Variants in NR6A1 observed in about 807,000 individuals in gnomAD.
The protein encoded by NR6A1 is retinoic acid receptor-related testis-associated receptor.
In NR6A1, 7 loss-of-function variants were observed where a neutral mutation model predicts 59.1. The observed-to-expected ratio is 0.12, with a 90% CI of 0.07 to 0.22. The LOEUF is 0.22. Ranked by LOEUF, NR6A1 falls within the 10% of genes least tolerant of loss-of-function variation. NR6A1 has a pLI of 1.00. For missense variants in NR6A1, 468 were observed against 611.6 expected (o/e 0.77, Z 2.48); for synonymous variants, 243 against 236.1 (o/e 1.03, Z -0.27).
At chr9:124,532,394 T>G (rs1340563197) in intron 7 of NR6A1, among the ~76,000 whole-genome samples, 1 of 152,228 alleles carries the variant, frequency 6.6e-6, no homozygotes, top group Non-Finnish European at 1.5e-5. Context: ...CTCCTTGGTC[T>G]ATGCTTGTAC....
rs575384661 is a variant in NR6A1 at position 124,695,691 on chromosome 9, G to GT, written c.142+37616dup. On this transcript the variant is annotated intron_variant, in intron 2 of 9. Transcript: ENST00000487099. ...GGCCCGAGGGGGTCTTTATAGAAGAGTTTTTTGTGAGACTGGTAGACACAC... is the reference window on the plus strand; with the variant it reads ...GGCCCGAGGGGGTCTTTATAGAAGAGTTTTTTTGTGAGACTGGTAGACACAC... 2.2e-4 allele frequency among the ~76,000 whole-genome samples: 33 copies of GT among 152,200 alleles called. No homozygotes were observed. The East Asian group carries it at 5.8e-3, about 27-fold the overall frequency.
chr9:124,714,466 T>C (rs1014932414), intron 2 of NR6A1, among the ~76,000 whole-genome samples: 2 of 152,214 alleles, frequency 1.3e-5, no homozygotes, highest in Admixed American at 6.5e-5. Flanking sequence ...ATACTGAAAT[T>C]GAACTCCTTC....
chr9:124,594,536 TTCTGGAAAAGC>T (rs1417801916), intron 2 of NR6A1, among the ~76,000 whole-genome samples: 3 of 152,218 alleles, frequency 2.0e-5, no homozygotes, highest in African/African-American at 7.2e-5. Flanking sequence ...AACTACTCCT[TTCTGGAAAAGC>T]TAGTATATCC....
At chr9:124,544,362 G>A (rs1207908788) in intron 3 of NR6A1, among the ~76,000 whole-genome samples, 3 of 152,018 alleles carry the variant, frequency 2.0e-5, no homozygotes, top group African/African-American at 4.8e-5. Flanking sequence ...CTGTGTAGTC[G>A]AAGGAACTTA....
intron 7 of NR6A1, among the ~76,000 whole-genome samples, chr9:124,527,711 C>T (rs893561799): frequency 6.6e-6 from 1 of 152,116 alleles, no homozygotes; most frequent in South Asian, 2.1e-4. Flanking sequence ...AGGTGGTGTA[C>T]CCTAGCAGAA....
intron 2 of NR6A1, among the ~76,000 whole-genome samples, chr9:124,623,253 T>C (rs1836130310): frequency 6.6e-6 from 1 of 152,002 alleles, no homozygotes; most frequent in South Asian, 2.1e-4. Flanking sequence ...TCAAAGAGTT[T>C]GGGGGAAAGG....
intron 2 of NR6A1, among the ~76,000 whole-genome samples, chr9:124,589,766 T>C (rs372755337): frequency 6.6e-5 from 10 of 152,100 alleles, no homozygotes; most frequent in East Asian, 3.9e-4. Flanking sequence ...ACTTATTAGC[T>C]CCTTTAAAAA....
At chr9:124,767,432 GC>G (rs1270544661) in intron 1 of NR6A1, among the ~76,000 whole-genome samples, 1 of 150,418 alleles carries the variant, frequency 6.6e-6, no homozygotes, top group Non-Finnish European at 1.5e-5. Flanking sequence ...CCTCAGCTAT[GC>G]AAAATCACCA....
At chr9:124,657,432 G>A (rs763844095) in intron 2 of NR6A1, among the ~76,000 whole-genome samples, 20 of 152,074 alleles carry the variant, frequency 1.3e-4, no homozygotes, top group Non-Finnish European at 1.9e-4. Flanking sequence ...AAAGTCCACG[G>A]AAAAAAATGA....
rs185421279 is a variant in NR6A1 at position 124,725,939 on chromosome 9, T to G, written c.142+7369A>C. 5.9e-5 allele frequency among the ~76,000 whole-genome samples: 9 copies of G among 152,368 alleles called. No individual in the cohort carries two copies. In the East Asian group the frequency reaches 1.7e-3, roughly 29 times the overall value. On this transcript the variant is annotated intron_variant, in intron 2 of 9. Coordinates refer to ENST00000487099, the MANE Select transcript of NR6A1 (RefSeq NM_033334.4). ...TATGCCTTGTAACAGACTTGTTGAC[T>G]ACAGGCTTAATGTAAATGAGAATCT...
chr9:124,663,661 A>T (rs957370866), intron 2 of NR6A1, among the ~76,000 whole-genome samples: 1 of 152,182 alleles, frequency 6.6e-6, no homozygotes, highest in Non-Finnish European at 1.5e-5. Flanking sequence ...CTGAGACCAC[A>T]AAGAATGGAA....
intron 3 of NR6A1, among the ~76,000 whole-genome samples, chr9:124,552,273 T>C (rs551950408): frequency 3.3e-5 from 5 of 152,228 alleles, no homozygotes; most frequent in East Asian, 3.9e-4. Context: ...GGGCAGGAAG[T>C]TGACAGACTC....
intron 2 of NR6A1, among the ~76,000 whole-genome samples, chr9:124,704,253 T>C (rs185567288): frequency 1.5e-3 from 221 of 152,356 alleles, no homozygotes; most frequent in Non-Finnish European, 2.2e-3. Context: ...GTTGTCTTTA[T>C]TTCCTTAGTC....
At chr9:124,612,385 A>G (rs764357333) in intron 2 of NR6A1, among the ~76,000 whole-genome samples, 1 of 152,200 alleles carries the variant, frequency 6.6e-6, no homozygotes, top group Non-Finnish European at 1.5e-5. Context: ...AGAAAAAAAC[A>G]GTTCCAGGAC....
At chr9:124,583,962 A>G (rs1201438532) in intron 2 of NR6A1, among the ~76,000 whole-genome samples, 1 of 152,196 alleles carries the variant, frequency 6.6e-6, no homozygotes, top group African/African-American at 2.4e-5. Context: ...TGGGTATATC[A>G]CAGGGCAGGG....
chr9:124,707,739 C>T (rs1839175429), intron 2 of NR6A1, among the ~76,000 whole-genome samples: 1 of 152,070 alleles, frequency 6.6e-6, no homozygotes, highest in African/African-American at 2.4e-5. Flanking sequence ...TGTGTAGTTC[C>T]TGATGGCTCC....
chr9:124,531,694 C>T lies in NR6A1; in HGVS notation c.1079+4184G>A, dbSNP rs1046534052. ...CACCTAAACCAAACTCAGAGTTACT[C>T]ATCTCCCATCCTGATCTTCCCTGCT... On this transcript the variant is annotated intron_variant, in intron 7 of 9. Coordinates refer to ENST00000487099, the MANE Select transcript of NR6A1 (RefSeq NM_033334.4). Among the ~76,000 whole-genome samples the T allele has an allele frequency of 3.3e-5, 5 of 152,294 alleles. No homozygotes were observed. The South Asian group carries it at 1.0e-3, about 32-fold the overall frequency.
intron 2 of NR6A1, among the ~76,000 whole-genome samples, chr9:124,601,583 CAAAAA>C (rs11346749): frequency 1.1e-5 from 1 of 90,006 alleles, no homozygotes; most frequent in Non-Finnish European, 2.2e-5. Context: ...GACTCTGTGT[CAAAAA>C]AAAAAAAAAA....
At chr9:124,612,005 T>G (rs914542799) in intron 2 of NR6A1, among the ~76,000 whole-genome samples, 1 of 152,070 alleles carries the variant, frequency 6.6e-6, no homozygotes, top group Non-Finnish European at 1.5e-5. Flanking sequence ...TTAGCTGGGG[T>G]GCCAGTAGCT....
Sources: gnomAD v4.1 joint callset for allele counts (sites outside exome capture counted in the v4.1 genomes callset) on GRCh38, gnomAD v4.1.1 for gene constraint, MANE v1.5 for transcripts, NCBI Gene and HGNC (gene_info 2026-07-23, HGNC 2026-07-21) for gene names.